Variants in IFT140 observed in about 807,000 individuals in gnomAD.
IFT140 encodes intraflagellar transport 140.
IFT140 carries 133 observed loss-of-function variants against 164.6 expected under a neutral mutation model. That is an observed-to-expected ratio of 0.81 (90% CI 0.70 to 0.93). The LOEUF (loss-of-function observed/expected upper bound fraction) is 0.93. IFT140 is among the 40% of genes least tolerant of loss of function. The probability of loss-of-function intolerance (pLI) is 0.00; values close to 1 mark genes in which losing one functional copy is unlikely to be tolerated. For synonymous variants in IFT140, 860 were observed against 817.3 expected, an observed-to-expected ratio of 1.05 and a Z score of -0.89; for missense variants, 2,045 against 1,972.3, an observed-to-expected ratio of 1.04 and a Z score of -0.70.
At chr16:1,519,772 A>G in intron 29 of IFT140, 109 bp downstream of exon 29, 1 of 1,058,070 alleles carries the variant, frequency 9.5e-7, no homozygotes. Flanking sequence ...GTCCCAAGTG[A>G]GCTCCCATCT....
intron 30 of IFT140, among the ~76,000 whole-genome samples, chr16:1,516,210 A>C (rs2040339942): frequency 6.7e-6 from 1 of 148,906 alleles, no homozygotes. Flanking sequence ...ATGTAGGTAA[A>C]TGTAAAAGAC....
Position 1,568,321 on chromosome 16 carries a change from G to A in IFT140, c.1666C>T (p.His556Tyr), listed in dbSNP as rs548786290. 2 of 1,613,658 alleles carry A rather than the reference G, an allele frequency of 1.2e-6. No homozygotes were observed. Among genetic ancestry groups the A allele is most frequent in the South Asian group, 2.2e-5 (2 of 91,076 alleles). The change falls in exon 15 of 31, where the codon CAC (histidine) becomes TAC (tyrosine). Residue 556 changes from histidine (H) to tyrosine (Y), a missense_variant. His to Tyr is a moderately conservative substitution (Grantham distance 83). Coordinates refer to ENST00000426508, the MANE Select transcript of IFT140 (RefSeq NM_014714.4). ...TCCGCCAGGCTCCTGCAGCTACAGT[G>A]TGCTTTGGCCTCTCTGCAGGGAGGA... is the stretch of plus-strand genomic sequence containing the variant. The part of the protein sequence containing the change: ...FDLSRREAKA[H>Y]CSCRSLAELV...
At chr16:1,513,835 G>A (rs779127461) in intron 30 of IFT140, among the ~76,000 whole-genome samples, 30 of 148,010 alleles carry the variant, frequency 2.0e-4, no homozygotes, top group Middle Eastern at 3.2e-3. Flanking sequence ...CACCACACCC[G>A]GCTAATTTTT....
intron 19 of IFT140, chr16:1,534,523 CCGG>C (rs762562633): frequency 6.2e-7 from 1 of 1,606,466 alleles, no homozygotes; most frequent in Non-Finnish European, 8.5e-7. Context: ...TCCGAGGCAG[CCGG>C]CTTCCAGGAG....
intron 13 of IFT140, chr16:1,577,314 T>G (rs915159986): frequency 6.6e-6 from 1 of 152,204 alleles, no homozygotes. Flanking sequence ...TGAATGTATT[T>G]CTCTTCCTCA....
At chr16:1,529,975 G>A (rs1027601581) in intron 19 of IFT140, among the ~76,000 whole-genome samples, 1 of 152,008 alleles carries the variant, frequency 6.6e-6, no homozygotes, top group Non-Finnish European at 1.5e-5. Flanking sequence ...TGGAAGGGAT[G>A]CCACGGCTCC....
At chr16:1,556,870 C>T (rs1468129218) in intron 19 of IFT140, among the ~76,000 whole-genome samples, 6 of 152,134 alleles carry the variant, frequency 3.9e-5, no homozygotes, top group African/African-American at 7.2e-5. Flanking sequence ...AGTGCAGTGG[C>T]GTGATCTTGG....
At chr16:1,567,159 C>T (rs150777184) in intron 15 of IFT140, among the ~76,000 whole-genome samples, 7 of 152,344 alleles carry the variant, frequency 4.6e-5, no homozygotes, top group East Asian at 3.9e-4. Context: ...GCCAGTCCAT[C>T]GTCAAGCCCC....
At chr16:1,602,226 T>A in intron 4 of IFT140, 144 bp downstream of exon 4, 1 of 763,134 alleles carries the variant, frequency 1.3e-6, no homozygotes, top group Non-Finnish European at 2.1e-6. Context: ...TTGCTTCCAA[T>A]ATAAAACAAA....
chr16:1,572,289 C>G (rs912639708), intron 13 of IFT140, among the ~76,000 whole-genome samples: 1 of 152,172 alleles, frequency 6.6e-6, no homozygotes, highest in African/African-American at 2.4e-5. Context: ...TTTATATTTT[C>G]AAAGCATCAC....
chr16:1,607,159 G>A lies in IFT140; in HGVS notation c.108C>T (p.Ser36=), dbSNP rs757556731. ...TATCCACGCTGCCTGTTGAGGTTGT[G>A]CTGATGTAAGCAACTGCCAAGAATG... ...VHPFLAVAYI[S]TTSTGSVDIY... The change falls in exon 3 of 31, where the codon AGC becomes AGT. Residue 36 remains serine (S), a synonymous_variant. Coordinates refer to ENST00000426508, the MANE Select transcript of IFT140 (RefSeq NM_014714.4). The A allele has an allele frequency of 6.2e-7, 1 of 1,614,182 alleles. No individual in the cohort carries two copies. Among genetic ancestry groups the A allele is most frequent in the Non-Finnish European group, 8.5e-7 (1 of 1,180,010 alleles).
chr16:1,564,200 G>T lies in IFT140; in HGVS notation c.1902-38C>A, dbSNP rs373654203. On this transcript the variant is annotated intron_variant, in intron 16 of 30. Coordinates refer to ENST00000426508, the MANE Select transcript of IFT140 (RefSeq NM_014714.4). The surrounding 1 kb of genome is among the most constrained non-coding windows in gnomAD (Gnocchi z 5.5). ...GGAAGACCCGTTTCAACCCCAGGGC[G>T]GGCACTCCTGCTACCAGTCTCCCTC... 1 of 1,511,564 alleles carries T rather than the reference G, an allele frequency of 6.6e-7. No homozygotes were observed. The highest frequency in any genetic ancestry group is 8.9e-7 in the Non-Finnish European group (1 of 1,117,504). The allele number at this position is 1,511,564 out of a possible 1,614,324, so 93.6% of individuals were successfully genotyped here. A position where few individuals can be genotyped will look rare whatever the true frequency, so the allele number is the denominator to read the frequency against.
At chr16:1,527,103 C>T in intron 19 of IFT140, 1 of 411,250 alleles carries the variant, frequency 2.4e-6, no homozygotes, top group Non-Finnish European at 4.3e-6. Context: ...GCTGTCTGAT[C>T]AGGAAATGTG....
chr16:1,583,339 A>G lies in IFT140; in HGVS notation c.1407T>C (p.Leu469=), dbSNP rs762792950. 1.2e-6 allele frequency: 2 copies of G among 1,614,118 alleles called. No homozygotes were observed. Among genetic ancestry groups the G allele is most frequent in the East Asian group, 4.5e-5 (2 of 44,878 alleles). ...CTGCACTCCGTATCGCGGCTCCAGA[A>G]AGCTCGAAGATCGCCACCTGCCTTC... ...WNGRQVAIFE[L]SGAAIRSAGT... is the part of the protein sequence containing the mutation. Residue 469 remains leucine, a synonymous_variant, in exon 12 of 31, where the codon CTT becomes CTC. Coordinates refer to ENST00000426508, the MANE Select transcript of IFT140 (RefSeq NM_014714.4).
At chr16:1,587,446 G>T in intron 8 of IFT140, 142 bp from the exon 9 acceptor site, 1 of 629,856 alleles carries the variant, frequency 1.6e-6, no homozygotes, top group Non-Finnish European at 2.8e-6. Flanking sequence ...AACGAACACT[G>T]CTGTTACATT....
intron 19 of IFT140, chr16:1,554,710 C>G: frequency 1.3e-6 from 2 of 1,582,240 alleles, no homozygotes; most frequent in Non-Finnish European, 1.7e-6. Flanking sequence ...TGCTCTAGGA[C>G]AGAGGGCTGG....
chr16:1,572,675 T>TACCCCACAGTC (rs1177232684), intron 13 of IFT140, among the ~76,000 whole-genome samples: 1 of 152,088 alleles, frequency 6.6e-6, no homozygotes, highest in East Asian at 1.9e-4. Context: ...AGAAAGCATA[T>TACCCCACAGTC]ACCCCACAGT....
Position 1,568,202 on chromosome 16 carries a change from G to C in IFT140, c.1770+15C>G, listed in dbSNP as rs374526643. On this transcript the variant is annotated intron_variant, in intron 15 of 30. Coordinates refer to ENST00000426508, the MANE Select transcript of IFT140 (RefSeq NM_014714.4). Reference sequence around the variant, plus strand: ...GAGGAGGCGGAGTGGGCGAGTGGACGAGGGGTGGCCTCACCTTGCTGGGGA... The same window carrying C: ...GAGGAGGCGGAGTGGGCGAGTGGACCAGGGGTGGCCTCACCTTGCTGGGGA... 5.2e-5 allele frequency: 81 copies of C among 1,566,664 alleles called. No individual in the cohort carries two copies. The African/African-American group carries it at 1.0e-3, about 20-fold the overall frequency.
At chr16:1,605,703 A>T (rs1371945854) in intron 3 of IFT140, among the ~76,000 whole-genome samples, 2 of 151,974 alleles carry the variant, frequency 1.3e-5, no homozygotes. Flanking sequence ...CGCACCTGGC[A>T]CCTCATTTTC....
Sources: gnomAD v4.1 joint callset for allele counts (sites outside exome capture counted in the v4.1 genomes callset) on GRCh38, gnomAD v4.1.1 for gene constraint, Gnocchi (gnomAD v3.1) non-coding constraint, MANE v1.5 for transcripts, NCBI Gene and HGNC (gene_info 2026-07-23, HGNC 2026-07-21) for gene names.